CLVS1: variants seen among roughly 807,000 people sequenced by gnomAD.
CLVS1 encodes clavesin 1, also known as clavesin-1.
Under a neutral mutation model 33.1 loss-of-function variants are expected in CLVS1, and 10 were observed. That is an observed-to-expected ratio of 0.30 (90% CI 0.19 to 0.51). The LOEUF (loss-of-function observed/expected upper bound fraction) is 0.51, where lower values mean the gene tolerates loss of function less well. CLVS1 is among the 20% of genes least tolerant of loss of function. The probability of loss-of-function intolerance (pLI) is 0.97; values close to 1 mark genes in which losing one functional copy is unlikely to be tolerated. For missense variants in CLVS1, 343 were observed against 433.4 expected, an observed-to-expected ratio of 0.79 and a Z score of 1.85; for synonymous variants, 163 against 166.1, an observed-to-expected ratio of 0.98 and a Z score of 0.14.
intron 3 of CLVS1, among the ~76,000 whole-genome samples, chr8:61,451,194 T>C (rs1426288443): frequency 6.6e-6 from 1 of 152,212 alleles, no homozygotes; most frequent in Non-Finnish European, 1.5e-5. Context: ...TATTTGTTAC[T>C]ATAACATTAC....
chr8:61,496,869 G>C (rs903027), intron 5 of CLVS1, among the ~76,000 whole-genome samples: 1 of 152,070 alleles, frequency 6.6e-6, no homozygotes, highest in Non-Finnish European at 1.5e-5. Context: ...AGGAACTGTG[G>C]GTTGGTAATA....
intron 2 of CLVS1, among the ~76,000 whole-genome samples, chr8:61,309,534 G>A (rs1810760714): frequency 6.6e-6 from 1 of 151,846 alleles, no homozygotes; most frequent in African/African-American, 2.4e-5. Context: ...TGAAGACACT[G>A]TCATATTTAC....
At chr8:61,302,922 G>A (rs187061984) in intron 2 of CLVS1, among the ~76,000 whole-genome samples, 2 of 152,080 alleles carry the variant, frequency 1.3e-5, no homozygotes, top group African/African-American at 2.4e-5. Context: ...ACTTTTAAAC[G>A]ATCAGATCTC....
intron 2 of CLVS1, among the ~76,000 whole-genome samples, chr8:61,371,477 T>A (rs1226316574): frequency 6.6e-6 from 1 of 152,118 alleles, no homozygotes; most frequent in African/African-American, 2.4e-5. Context: ...GCACAAAAAA[T>A]TAGTACAGGA....
chr8:61,119,997 C>A (rs891577462), intron 1 of CLVS1, among the ~76,000 whole-genome samples: 1 of 145,814 alleles, frequency 6.9e-6, no homozygotes. Flanking sequence ...CTCCCCATCA[C>A]TTTCAGGTAC....
the CLVS1 span, among the ~76,000 whole-genome samples, chr8:61,033,046 A>AG: frequency 8.5e-5 from 8 of 94,666 alleles, no homozygotes; most frequent in African/African-American, 3.0e-4. Flanking sequence ...AGAAAGAAAG[A>AG]AAAAGAAAGA....
rs546724289 is a variant in CLVS1, at chr8:61,115,664, G to A, written c.-242-16106G>A. Among the ~76,000 whole-genome samples the A allele has an allele frequency of 2.4e-4, 36 of 151,574 alleles. No homozygotes were observed. In the East Asian group the frequency reaches 5.0e-3, roughly 21 times the overall value. ...CTTGCGATAGTGTACTGAGAATGAT[G>A]TTTTCCAATTTCATCCATGTCCCTA... On this transcript the variant is annotated intron_variant, in intron 1 of 2. Coordinates refer to the CLVS1 transcript ENST00000522621.
chr8:61,473,077 C>T (rs1466582910), intron 5 of CLVS1, among the ~76,000 whole-genome samples: 1 of 151,972 alleles, frequency 6.6e-6, no homozygotes, highest in African/African-American at 2.4e-5. Context: ...GAGGAGGATC[C>T]TAACCTAGTC....
At chr8:60,968,942 G>A in the CLVS1 span, among the ~76,000 whole-genome samples, 4 of 151,582 alleles carry the variant, frequency 2.6e-5, no homozygotes, top group African/African-American at 9.7e-5. Flanking sequence ...AAAACTAGGA[G>A]GCCAGGCATG....
At chr8:61,041,079 T>C in the CLVS1 span, among the ~76,000 whole-genome samples, 2 of 152,230 alleles carry the variant, frequency 1.3e-5, no homozygotes, top group Non-Finnish European at 2.9e-5. Flanking sequence ...GCACTATTTA[T>C]TGAATATGGA....
At chr8:61,457,747 A>G (rs889012410) in intron 4 of CLVS1, among the ~76,000 whole-genome samples, 1 of 152,222 alleles carries the variant, frequency 6.6e-6, no homozygotes, top group Non-Finnish European at 1.5e-5. Flanking sequence ...ACAAGACGTA[A>G]ATGAACATAT....
intron 1 of CLVS1, among the ~76,000 whole-genome samples, chr8:61,070,528 G>A (rs1380682501): frequency 1.3e-5 from 2 of 152,144 alleles, no homozygotes; most frequent in South Asian, 2.1e-4. Context: ...TCTTGCTGAC[G>A]TGAGGAAATG....
chr8:61,466,928 T>G (rs1292902258), intron 5 of CLVS1, among the ~76,000 whole-genome samples: 1 of 152,140 alleles, frequency 6.6e-6, no homozygotes, highest in Non-Finnish European at 1.5e-5. Context: ...GGATTATAGG[T>G]GTGAGCCACC....
At chr8:61,112,784 C>T (rs940553855) in intron 1 of CLVS1, among the ~76,000 whole-genome samples, 17 of 151,996 alleles carry the variant, frequency 1.1e-4, no homozygotes, top group African/African-American at 4.1e-4. Flanking sequence ...TGACATTGCT[C>T]TTCTCTGTAG....
At chr8:61,227,172 T>G (rs923224025) in intron 2 of CLVS1, among the ~76,000 whole-genome samples, 2 of 151,878 alleles carry the variant, frequency 1.3e-5, no homozygotes, top group Admixed American at 1.3e-4. Flanking sequence ...TGTGTCCTAA[T>G]AAATGAGCAA....
intron 2 of CLVS1, among the ~76,000 whole-genome samples, chr8:61,132,987 C>G (rs998861308): frequency 6.6e-6 from 1 of 152,206 alleles, no homozygotes; most frequent in Non-Finnish European, 1.5e-5. Flanking sequence ...CAGCTCTAGT[C>G]TTTTCATGGT....
intron 2 of CLVS1, among the ~76,000 whole-genome samples, chr8:61,231,720 C>G (rs1381101993): frequency 1.3e-5 from 2 of 152,228 alleles, no homozygotes; most frequent in Non-Finnish European, 2.9e-5. Context: ...CTGTCCCAGA[C>G]AACAGAATCT....
At chr8:61,324,843 G>T (rs976795405) in intron 2 of CLVS1, among the ~76,000 whole-genome samples, 2 of 152,130 alleles carry the variant, frequency 1.3e-5, no homozygotes, top group African/African-American at 2.4e-5. Flanking sequence ...CCTACCAACA[G>T]TGTACAAGCA....
the CLVS1 span, among the ~76,000 whole-genome samples, chr8:61,009,084 T>C: frequency 6.6e-6 from 1 of 152,338 alleles, no homozygotes; most frequent in Middle Eastern, 3.4e-3. Flanking sequence ...TTTATATGCA[T>C]ATTAGGGTTA....
Sources: allele counts gnomAD v4.1 joint callset (sites outside exome capture counted in the v4.1 genomes callset), GRCh38; gene constraint gnomAD v4.1.1; transcripts MANE v1.5; gene names NCBI Gene and HGNC (gene_info 2026-07-23, HGNC 2026-07-21).